Variants in EYA2 observed in about 807,000 individuals in gnomAD.
EYA2 encodes the protein EYA transcriptional coactivator and phosphatase 2, also known as protein phosphatase EYA2.
A neutral mutation model predicts 69.2 loss-of-function variants in EYA2; 31 were observed. The observed-to-expected ratio is 0.45, with a 90% CI of 0.34 to 0.60. The LOEUF is 0.60. Among genes scored for constraint, EYA2 ranks in the 20% least tolerant of loss-of-function variants. The probability of loss-of-function intolerance (pLI) is 0.02; values close to 1 mark genes in which losing one functional copy is unlikely to be tolerated. For synonymous variants in EYA2, 257 were observed against 279.4 expected, an observed-to-expected ratio of 0.92 and a Z score of 0.80; for missense variants, 622 against 701.2, an observed-to-expected ratio of 0.89 and a Z score of 1.28.
Position 47,188,689 on chromosome 20 carries a change from G to C in EYA2, c.*556G>C, listed in dbSNP as rs2034699100. 1 of 242,428 alleles carries C rather than the reference G, an allele frequency of 4.1e-6. No homozygotes were observed. Among genetic ancestry groups the C allele is most frequent in the African/African-American group, 2.2e-5 (1 of 44,642 alleles). 15.0% of individuals were successfully genotyped at this position (242,428 alleles called of 1,614,324 possible). ...AGTTCAAGCTGTTGAAAAGACTATT[G>C]CTTATTTTTGTTTTTAAAGACCTAC... On this transcript the variant is annotated 3_prime_UTR_variant, in exon 16 of 16. Coordinates refer to ENST00000327619, the MANE Select transcript of EYA2 (RefSeq NM_005244.5).
In EYA2 at chr20:47,086,918, T is replaced by TG. The variant is rs370267774; in HGVS notation, c.662-2313dup. ...TCTTTTTAATATTTGCCTGTTTTAA[T>TG]GGGGGGGGCAAACAAATGTTTTCTA... On this transcript the variant is annotated intron_variant, in intron 7 of 15. Transcript: ENST00000327619. Among the ~76,000 whole-genome samples, 781 of 142,712 alleles carry TG rather than the reference T, an allele frequency of 5.5e-3. 8 individuals carry two copies. The highest frequency in any genetic ancestry group is 0.017 in the African/African-American group (699 of 40,180). 93.6% of individuals were successfully genotyped at this position (142,712 alleles called of 152,430 possible).
At chr20:47,012,724 C>T (rs1166886670) in intron 4 of EYA2, among the ~76,000 whole-genome samples, 1 of 152,174 alleles carries the variant, frequency 6.6e-6, no homozygotes, top group Non-Finnish European at 1.5e-5. Context: ...GAACTCCTGA[C>T]CTCAAGTGAT....
At chr20:46,928,547 G>A (rs1026933693) in intron 1 of EYA2, among the ~76,000 whole-genome samples, 9 of 152,142 alleles carry the variant, frequency 5.9e-5, no homozygotes, top group African/African-American at 2.2e-4. Context: ...GAAATCTTAG[G>A]CAGCCAGTAA....
At chr20:47,115,157 C>G (rs975269336) in intron 9 of EYA2, among the ~76,000 whole-genome samples, 6 of 152,266 alleles carry the variant, frequency 3.9e-5, no homozygotes, top group African/African-American at 9.6e-5. Context: ...CTGCCCACCT[C>G]CCAACTGCCC....
chr20:46,914,195 A>G (rs1421020379), intron 1 of EYA2, among the ~76,000 whole-genome samples: 1 of 152,154 alleles, frequency 6.6e-6, no homozygotes, highest in African/African-American at 2.4e-5. Flanking sequence ...TGTCACCCAC[A>G]TTTTTCCCTG....
intron 5 of EYA2, among the ~76,000 whole-genome samples, chr20:47,021,463 C>T (rs1362146267): frequency 6.6e-6 from 1 of 152,008 alleles, no homozygotes; most frequent in African/African-American, 2.4e-5. Flanking sequence ...CCCATCTCTA[C>T]TTAAAATACA....
chr20:47,179,186 C>T (rs2034483054), intron 12 of EYA2, among the ~76,000 whole-genome samples: 1 of 151,044 alleles, frequency 6.6e-6, no homozygotes, highest in Non-Finnish European at 1.5e-5. Context: ...AGAAGGTACT[C>T]CTGAATTTTT....
At chr20:46,915,976 G>A (rs1424602956) in intron 1 of EYA2, among the ~76,000 whole-genome samples, 1 of 152,148 alleles carries the variant, frequency 6.6e-6, no homozygotes, top group Non-Finnish European at 1.5e-5. Flanking sequence ...CAAAAAGAAG[G>A]AAACAAAAGA....
chr20:47,021,844 G>A (rs528111168), intron 5 of EYA2, among the ~76,000 whole-genome samples: 4 of 152,086 alleles, frequency 2.6e-5, no homozygotes, highest in Admixed American at 1.3e-4. Flanking sequence ...CGAGACCTCC[G>A]AGACTGGATT....
chr20:47,166,803 T>C (rs1186133887), intron 10 of EYA2, among the ~76,000 whole-genome samples: 1 of 152,072 alleles, frequency 6.6e-6, no homozygotes, highest in Admixed American at 6.6e-5. Context: ...CAGTCAGGCC[T>C]CTGGGGTTCA....
intron 9 of EYA2, among the ~76,000 whole-genome samples, chr20:47,125,278 A>C (rs1189343639): frequency 6.6e-6 from 1 of 151,646 alleles, no homozygotes. Flanking sequence ...GATGGTCTTG[A>C]TCTCCTGACC....
chr20:47,078,325 GCGCGCGCACACACACA>G (rs1340451941), intron 7 of EYA2, among the ~76,000 whole-genome samples: 2,373 of 105,372 alleles, frequency 0.023, 37 homozygotes, highest in South Asian at 0.04. Flanking sequence ...ACGTGCGCGC[GCGCGCGCACACACACA>G]CACACACACA....
At chr20:47,127,687 C>T (rs1280541930) in intron 9 of EYA2, among the ~76,000 whole-genome samples, 1 of 152,230 alleles carries the variant, frequency 6.6e-6, no homozygotes, top group Non-Finnish European at 1.5e-5. Flanking sequence ...CAAGACTCTC[C>T]TCCCCAAGGG....
intron 10 of EYA2, among the ~76,000 whole-genome samples, chr20:47,143,603 G>A (rs2033642433): frequency 6.6e-6 from 1 of 152,194 alleles, no homozygotes; most frequent in African/African-American, 2.4e-5. Context: ...GAGAAAGAGT[G>A]AGAGTGAGCA....
At chr20:46,951,685 C>G (rs1482811486) in intron 1 of EYA2, among the ~76,000 whole-genome samples, 1 of 152,336 alleles carries the variant, frequency 6.6e-6, no homozygotes, top group African/African-American at 2.4e-5. Context: ...CCCCACTAAC[C>G]TGCTGTGGGA....
chr20:47,105,399 C>G (rs1052703665), intron 9 of EYA2, among the ~76,000 whole-genome samples: 2 of 152,048 alleles, frequency 1.3e-5, no homozygotes, highest in African/African-American at 4.8e-5. Context: ...CTGAGGCAGG[C>G]AGATCACTTG....
At chr20:47,178,028 A>G (rs2146666843) in intron 12 of EYA2, among the ~76,000 whole-genome samples, 1 of 152,314 alleles carries the variant, frequency 6.6e-6, no homozygotes, top group Non-Finnish European at 1.5e-5. Context: ...AGAACAAATG[A>G]CATTTAAGAT....
intron 8 of EYA2, among the ~76,000 whole-genome samples, chr20:47,091,304 C>T (rs1244821482): frequency 3.9e-5 from 6 of 152,116 alleles, no homozygotes; most frequent in Admixed American, 1.3e-4. Context: ...GCCCCTGCCA[C>T]CTTCATTGTC....
At chr20:47,077,999 T>G (rs1187379187) in intron 7 of EYA2, among the ~76,000 whole-genome samples, 1 of 152,190 alleles carries the variant, frequency 6.6e-6, no homozygotes, top group African/African-American at 2.4e-5. Context: ...AATTCAATGG[T>G]GAACTGAATG....
Sources: allele counts gnomAD v4.1 joint callset (sites outside exome capture counted in the v4.1 genomes callset), GRCh38; gene constraint gnomAD v4.1.1; transcripts MANE v1.5; gene names NCBI Gene and HGNC (gene_info 2026-07-23, HGNC 2026-07-21).